IQCE: variants seen among roughly 807,000 people sequenced by gnomAD.
The protein encoded by IQCE is IQ domain-containing protein E.
In IQCE, 115 loss-of-function variants were observed where a neutral mutation model predicts 96.0. The ratio of observed to expected loss-of-function variants is 1.20; its 90% CI spans 1.03 to 1.40. The LOEUF (loss-of-function observed/expected upper bound fraction) is 1.40, where lower values mean the gene tolerates loss of function less well. Ranked by LOEUF, IQCE falls within the 40% of genes most tolerant of loss-of-function variation. The pLI, the probability that IQCE is intolerant of heterozygous loss-of-function variation, is 0.00. For missense variants in IQCE, 1,041 were observed against 909.1 expected (o/e 1.15, Z -1.87); for synonymous variants, 412 against 371.2 (o/e 1.11, Z -1.26).
intron 14 of IQCE, among the ~76,000 whole-genome samples, chr7:2,591,187 A>G (rs528436663): frequency 6.6e-6 from 1 of 151,960 alleles, no homozygotes; most frequent in East Asian, 1.9e-4. Context: ...TGGGAAGTCG[A>G]GGCTGCCGTG....
chr7:2,561,684 G>A (rs778712907), intron 1 of IQCE, among the ~76,000 whole-genome samples: 1 of 152,170 alleles, frequency 6.6e-6, no homozygotes, highest in Non-Finnish European at 1.5e-5. Context: ...GCCTCCCAAA[G>A]TGCTGGGATT....
chr7:2,586,878 G>C (rs764397292), intron 12 of IQCE, among the ~76,000 whole-genome samples: 1 of 152,220 alleles, frequency 6.6e-6, no homozygotes, highest in African/African-American at 2.4e-5. Flanking sequence ...GGGCGAGGCA[G>C]GGTGCCATGG....
intron 12 of IQCE, among the ~76,000 whole-genome samples, chr7:2,587,589 C>A (rs1377350498): frequency 6.6e-6 from 1 of 152,102 alleles, no homozygotes; most frequent in Non-Finnish European, 1.5e-5. Context: ...GGATGTCACC[C>A]CGAGATGCTT....
In IQCE at chr7:2,586,355, C is replaced by T. The variant is rs368939000; in HGVS notation, c.972C>T (p.Thr324=). 2.5e-6 allele frequency: 4 copies of T among 1,612,634 alleles called. No individual in the cohort carries two copies. Among genetic ancestry groups the T allele is most frequent in the Admixed American group, 1.7e-5 (1 of 59,850 alleles). ...DLDRVLSTSP[T]ISKTQGYVEW... ...ACCGCGTGCTGAGCACCTCCCCAAC[C>T]ATCTCCAAGACACAGGGTACCTTCC... Residue 324 remains threonine (T), a synonymous_variant, in exon 12 of 22, where the codon ACC becomes ACT. Transcript: ENST00000402050.
chr7:2,606,979 G>A lies in IQCE; in HGVS notation c.1866-145G>A, dbSNP rs532268705. The A allele has an allele frequency of 4.8e-5, 33 of 690,382 alleles. No homozygotes were observed. In the East Asian group the frequency reaches 7.1e-4, roughly 15 times the overall value. The allele number at this position is 690,382 out of a possible 1,614,324, so 42.8% of individuals were successfully genotyped here. ...ACCCTGGGTGCATATTGGGTACAGC[G>A]CTGGTCGTGGGGCTCGGGACTGGCT... On this transcript the variant is annotated intron_variant, in intron 20 of 21. Transcript: ENST00000402050.
chr7:2,560,754 G>T (rs796979716), intron 1 of IQCE, among the ~76,000 whole-genome samples: 10 of 151,930 alleles, frequency 6.6e-5, no homozygotes, highest in Non-Finnish European at 1.0e-4. Flanking sequence ...TCAGGAGATC[G>T]AGACCATGCT....
chr7:2,570,757 C>T (rs991351588), intron 3 of IQCE, among the ~76,000 whole-genome samples: 4 of 152,078 alleles, frequency 2.6e-5, no homozygotes, highest in Non-Finnish European at 5.9e-5. Flanking sequence ...AAACATTTCC[C>T]TTACTTTCAT....
intron 9 of IQCE, among the ~76,000 whole-genome samples, 165 bp downstream of exon 9, chr7:2,582,815 C>T (rs574176578): frequency 5.3e-4 from 81 of 152,224 alleles, no homozygotes; most frequent in African/African-American, 1.8e-3. Context: ...GTCTTTGTTT[C>T]CTCCAGATAA....
chr7:2,585,985 AG>A (rs1182596013), intron 11 of IQCE, among the ~76,000 whole-genome samples: 1 of 150,744 alleles, frequency 6.6e-6, no homozygotes, highest in African/African-American at 2.4e-5. Flanking sequence ...TTTGTTACAC[AG>A]GTTTACCTTG....
chr7:2,586,239 A>C lies in IQCE; in HGVS notation c.856A>C (p.Arg286=). Residue 286 remains arginine, a synonymous_variant, in exon 12 of 22, where the codon AGG becomes CGG. Coordinates refer to ENST00000402050, the MANE Select transcript of IQCE (RefSeq NM_152558.5). ...GGGGGAGAAGAAGACGGGCGCCAAA[A>C]GGCAGAAGAAGATGGGCAGTGCCCT... ...PLGEKKTGAK[R]QKKMGSALLS... 6.2e-7 allele frequency: 1 copy of C among 1,613,920 alleles called. No individual in the cohort carries two copies. Among genetic ancestry groups the C allele is most frequent in the East Asian group, 2.2e-5 (1 of 44,870 alleles).
intron 6 of IQCE, among the ~76,000 whole-genome samples, chr7:2,575,223 C>T (rs1229721464): frequency 1.3e-5 from 2 of 152,252 alleles, no homozygotes; most frequent in Non-Finnish European, 2.9e-5. Flanking sequence ...CCTCCTTTCA[C>T]GCTGCCCTGT....
chr7:2,610,268 T>C lies in IQCE; in HGVS notation c.*106T>C, dbSNP rs6955454. 2.6e-4 allele frequency: 191 copies of C among 744,634 alleles called. No homozygotes were observed. The African/African-American group carries it at 3.0e-3, about 12-fold the overall frequency. 46.1% of individuals were successfully genotyped at this position (744,634 alleles called of 1,614,324 possible). On this transcript the variant is annotated 3_prime_UTR_variant, in exon 22 of 22. Coordinates refer to ENST00000402050, the MANE Select transcript of IQCE (RefSeq NM_152558.5). ...TTAGGAGAAGAACGATGATACCTAC[T>C]TAACACCTCAGCATCTGCGTCGTGT...
At chr7:2,605,178 G>A (rs1784712757) in intron 19 of IQCE, among the ~76,000 whole-genome samples, 187 bp downstream of exon 19, 1 of 152,218 alleles carries the variant, frequency 6.6e-6, no homozygotes, top group South Asian at 2.1e-4. Flanking sequence ...CTCTGCACAG[G>A]CCCCGGATGG....
At chr7:2,599,132 T>G (rs982266931) in intron 17 of IQCE, among the ~76,000 whole-genome samples, 5 of 152,216 alleles carry the variant, frequency 3.3e-5, no homozygotes, top group African/African-American at 1.2e-4. Flanking sequence ...TTACGTCTCC[T>G]TAGTGTGGTT....
intron 11 of IQCE, among the ~76,000 whole-genome samples, chr7:2,585,362 G>T (rs1397089698): frequency 1.3e-5 from 2 of 152,218 alleles, no homozygotes; most frequent in Admixed American, 6.5e-5. Context: ...TCATCAGCTA[G>T]TCAATGTATA....
At chr7:2,567,251 C>G in intron 2 of IQCE, 88 bp downstream of exon 2, 1 of 982,700 alleles carries the variant, frequency 1.0e-6, no homozygotes, top group Non-Finnish European at 1.6e-6. Flanking sequence ...ATAGGCCGTT[C>G]TCCACAATAC....
At chr7:2,599,323 A>G (rs1003624699) in intron 17 of IQCE, among the ~76,000 whole-genome samples, 1 of 151,796 alleles carries the variant, frequency 6.6e-6, no homozygotes, top group Non-Finnish European at 1.5e-5. Context: ...CAGCCTCCCA[A>G]GTAGTTGTGA....
chr7:2,583,101 C>T (rs1236674098), intron 9 of IQCE, among the ~76,000 whole-genome samples: 2 of 152,190 alleles, frequency 1.3e-5, no homozygotes, highest in African/African-American at 4.8e-5. Flanking sequence ...CCCTCGTTTC[C>T]TGCCGAATTT....
At chr7:2,575,251 C>T (rs1782032203) in intron 6 of IQCE, among the ~76,000 whole-genome samples, 1 of 152,246 alleles carries the variant, frequency 6.6e-6, no homozygotes. Context: ...GGGGGTACCA[C>T]CTCGTTATCA....
Sources: gnomAD v4.1 joint callset for allele counts (sites outside exome capture counted in the v4.1 genomes callset) on GRCh38, gnomAD v4.1.1 for gene constraint, MANE v1.5 for transcripts, NCBI Gene and HGNC (gene_info 2026-07-23, HGNC 2026-07-21) for gene names.